Variants in ARB2A observed in about 807,000 individuals in gnomAD.
ARB2A encodes the protein cotranscriptional regulator ARB2A.
chr5:93,703,798 C>T, the ARB2A span, among the ~76,000 whole-genome samples: 1 of 152,126 alleles, frequency 6.6e-6, no homozygotes, highest in Non-Finnish European at 1.5e-5. Flanking sequence ...TCTCTGCAAG[C>T]AGTCTGGTGC....
chr5:93,778,366 T>C, the ARB2A span, among the ~76,000 whole-genome samples: 2 of 152,186 alleles, frequency 1.3e-5, no homozygotes, highest in Admixed American at 6.5e-5. Context: ...TTATATACAA[T>C]GTGACACTTG....
chr5:93,830,311 G>GTGTATGTGTATA, the ARB2A span, among the ~76,000 whole-genome samples: 25 of 82,264 alleles, frequency 3.0e-4, no homozygotes, highest in African/African-American at 1.3e-3. Context: ...GTGTGTGTGT[G>GTGTATGTGTATA]TATATATATA....
chr5:93,874,968 A>G, the ARB2A span, among the ~76,000 whole-genome samples: 2 of 152,142 alleles, frequency 1.3e-5, no homozygotes, highest in Non-Finnish European at 1.5e-5. Flanking sequence ...GCCAGATGCT[A>G]TGTTTGCTTT....
At chr5:94,038,704 A>C in the ARB2A span, among the ~76,000 whole-genome samples, 1 of 152,078 alleles carries the variant, frequency 6.6e-6, no homozygotes, top group Non-Finnish European at 1.5e-5. Context: ...GACTGCTATA[A>C]TAATCTCCTT....
At chr5:93,861,704 T>G in the ARB2A span, 2 of 152,236 alleles carry the variant, frequency 1.3e-5, no homozygotes, top group Admixed American at 1.3e-4. Context: ...CATACAGTTT[T>G]TGGCTGCAAA....
chr5:93,618,330 G>A, the ARB2A span: 8 of 152,056 alleles, frequency 5.3e-5, no homozygotes, highest in South Asian at 6.2e-4. Flanking sequence ...AAGTTTCGAC[G>A]GGACTATTTT....
chr5:93,872,047 C>A, the ARB2A span, among the ~76,000 whole-genome samples: 2 of 150,828 alleles, frequency 1.3e-5, no homozygotes, highest in African/African-American at 4.9e-5. Context: ...CTCCCCGGTT[C>A]AAGCAATTCT....
the ARB2A span, among the ~76,000 whole-genome samples, chr5:94,010,639 T>A: frequency 6.6e-6 from 1 of 152,260 alleles, no homozygotes; most frequent in Non-Finnish European, 1.5e-5. Context: ...TGGAGCCTTC[T>A]CATTTACAGT....
the ARB2A span, among the ~76,000 whole-genome samples, chr5:93,638,391 T>C: frequency 6.6e-5 from 10 of 152,368 alleles, no homozygotes; most frequent in South Asian, 2.1e-4. Flanking sequence ...TTGTGGAAAA[T>C]TGACATCTTT....
the ARB2A span, among the ~76,000 whole-genome samples, chr5:94,006,053 C>T: frequency 6.6e-6 from 1 of 152,278 alleles, no homozygotes; most frequent in South Asian, 2.1e-4. Flanking sequence ...GATAAATATA[C>T]TCTTAGCCTG....
At chr5:93,765,244 G>T in the ARB2A span, among the ~76,000 whole-genome samples, 6 of 152,162 alleles carry the variant, frequency 3.9e-5, no homozygotes, top group Non-Finnish European at 8.8e-5. Context: ...AGGAAAAGAG[G>T]AAGTCAAATT....
At chr5:93,675,637 A>G in the ARB2A span, among the ~76,000 whole-genome samples, 1 of 152,220 alleles carries the variant, frequency 6.6e-6, no homozygotes, top group Non-Finnish European at 1.5e-5. Flanking sequence ...TTCTTCAAAC[A>G]TGAATTGCAA....
chr5:93,861,727 C>A, the ARB2A span: 5 of 152,300 alleles, frequency 3.3e-5, no homozygotes, highest in South Asian at 4.1e-4. Context: ...ATAAGTTACA[C>A]TAACATGCTC....
At chr5:93,950,045 A>T in the ARB2A span, among the ~76,000 whole-genome samples, 1 of 151,888 alleles carries the variant, frequency 6.6e-6, no homozygotes, top group East Asian at 1.9e-4. Flanking sequence ...ACAGGATCTC[A>T]CTCTTTTCTA....
chr5:93,741,200 T>C, the ARB2A span: 3 of 1,613,876 alleles, frequency 1.9e-6, no homozygotes, highest in Non-Finnish European at 2.5e-6. Context: ...TCTTTCAGTA[T>C]GCCCGAGATG....
the ARB2A span, chr5:93,620,684 T>G: frequency 2.2e-4 from 58 of 259,670 alleles, no homozygotes; most frequent in Non-Finnish European, 1.8e-4. Context: ...GCGGTCTCCT[T>G]CAGGGCAATT....
chr5:93,805,554 T>C, the ARB2A span: 1 of 985,040 alleles, frequency 1.0e-6, no homozygotes, highest in African/African-American at 1.7e-5. Flanking sequence ...GCAGGCATCA[T>C]ACAGCATCCT....
chr5:93,822,734 T>A, the ARB2A span, among the ~76,000 whole-genome samples: 4 of 152,006 alleles, frequency 2.6e-5, no homozygotes, highest in Non-Finnish European at 5.9e-5. Flanking sequence ...AGTAGTGTGC[T>A]AAAGAGCTAT....
At chr5:93,782,739 T>C in the ARB2A span, among the ~76,000 whole-genome samples, 1 of 152,112 alleles carries the variant, frequency 6.6e-6, no homozygotes, top group East Asian at 1.9e-4. Context: ...GATGAGAAAA[T>C]TGAATCTCAA....
Sources: allele counts gnomAD v4.1 joint callset (sites outside exome capture counted in the v4.1 genomes callset), GRCh38; gene constraint gnomAD v4.1.1; transcripts MANE v1.5; gene names NCBI Gene and HGNC (gene_info 2026-07-23, HGNC 2026-07-21).